CPPED1: variants seen among roughly 807,000 people sequenced by gnomAD.
The protein encoded by CPPED1 is calcineurin like phosphoesterase domain containing 1.
CPPED1 carries 28 observed loss-of-function variants against 28.0 expected under a neutral mutation model. The observed-to-expected ratio is 1.00, with a 90% CI of 0.74 to 1.37. CPPED1 has a LOEUF of 1.37. Ranked by LOEUF, CPPED1 falls within the 40% of genes most tolerant of loss-of-function variation. The pLI is 0.00. For synonymous variants in CPPED1, 198 were observed against 180.2 expected (o/e 1.10, Z -0.79); for missense variants, 504 against 416.5 (o/e 1.21, Z -1.83).
chr16:12,766,874 A>C (rs371978689), intron 2 of CPPED1, among the ~76,000 whole-genome samples: 1 of 152,206 alleles, frequency 6.6e-6, no homozygotes, highest in African/African-American at 2.4e-5. Flanking sequence ...TCAGACTGCC[A>C]TAGCCGATTT....
chr16:12,720,917 A>G (rs2080136709), intron 2 of CPPED1, among the ~76,000 whole-genome samples: 1 of 152,198 alleles, frequency 6.6e-6, no homozygotes, highest in Non-Finnish European at 1.5e-5. Context: ...GGCATGGGGG[A>G]CTAAAAGTAA....
intron 2 of CPPED1, among the ~76,000 whole-genome samples, chr16:12,739,553 T>G (rs1014115321): frequency 6.6e-6 from 1 of 151,952 alleles, no homozygotes; most frequent in Admixed American, 6.6e-5. Flanking sequence ...TGCCCTCCAG[T>G]CTGGACAACA....
rs951869512 is a variant in CPPED1, at chr16:12,663,569, G to T, written c.*1317C>A. 3 of 152,096 alleles carry T rather than the reference G, an allele frequency of 2.0e-5. No individual in the cohort carries two copies. Among genetic ancestry groups the T allele is most frequent in the Non-Finnish European group, 4.4e-5 (3 of 68,010 alleles). 9.4% of individuals were successfully genotyped at this position (152,096 alleles called of 1,614,324 possible). A position where few individuals can be genotyped will look rare whatever the true frequency, so the allele number is the denominator to read the frequency against. On this transcript the variant is annotated 3_prime_UTR_variant, in exon 4 of 4. Coordinates refer to ENST00000381774, the MANE Select transcript of CPPED1 (RefSeq NM_018340.3). ...CAGCCTATTGTATAATTAACTTCTC[G>T]TCTTTTGTTCCTTATGAATTTACAT...
chr16:12,790,654 C>CTAGA (rs2080590477), intron 1 of CPPED1, among the ~76,000 whole-genome samples: 1 of 152,104 alleles, frequency 6.6e-6, no homozygotes, highest in Admixed American at 6.6e-5. Context: ...GTCGCGGTGG[C>CTAGA]TCACGCCTGT....
chr16:12,786,725 C>T lies in CPPED1; in HGVS notation c.71-5322G>A, dbSNP rs150916152. 8.1e-3 allele frequency among the ~76,000 whole-genome samples: 1,227 copies of T among 152,210 alleles called. 19 individuals are homozygous for T. Among genetic ancestry groups the T allele is most frequent in the African/African-American group, 0.028 (1,143 of 41,520 alleles). On this transcript the variant is annotated intron_variant, in intron 1 of 3. Coordinates refer to ENST00000381774, the MANE Select transcript of CPPED1 (RefSeq NM_018340.3). ...CACGAGGTCAAAAGATCAAGACCATCCTGGCCAACATGGTGAAACCTCGTC... is the reference window on the plus strand; with the variant it reads ...CACGAGGTCAAAAGATCAAGACCATTCTGGCCAACATGGTGAAACCTCGTC...
intron 2 of CPPED1, among the ~76,000 whole-genome samples, chr16:12,754,874 T>C (rs139975133): frequency 8.0e-4 from 121 of 152,036 alleles, no homozygotes; most frequent in African/African-American, 2.8e-3. Context: ...TAGGCCGGCA[T>C]GGTGGTGTGT....
chr16:12,786,109 C>G (rs1482209981), intron 1 of CPPED1, among the ~76,000 whole-genome samples: 1 of 152,206 alleles, frequency 6.6e-6, no homozygotes, highest in African/African-American at 2.4e-5. Context: ...GGTTACCTGA[C>G]AGCAGAAAGC....
At chr16:12,690,478 C>G (rs904171074) in intron 3 of CPPED1, among the ~76,000 whole-genome samples, 1 of 150,914 alleles carries the variant, frequency 6.6e-6, no homozygotes, top group African/African-American at 2.4e-5. Context: ...CATGCCACTG[C>G]ACTCCAGCCT....
chr16:12,799,996 A>G (rs938839079), intron 1 of CPPED1, among the ~76,000 whole-genome samples: 1 of 152,160 alleles, frequency 6.6e-6, no homozygotes, highest in African/African-American at 2.4e-5. Context: ...ATTCTTATCC[A>G]GGGGAGCTGC....
In CPPED1 at chr16:12,662,589, T is replaced by A. The variant is rs957397931; in HGVS notation, c.*2297A>T. On this transcript the variant is annotated 3_prime_UTR_variant, in exon 4 of 4. Coordinates refer to ENST00000381774, the MANE Select transcript of CPPED1 (RefSeq NM_018340.3). ...TTGTTCCACACTCTATGTTCATGGG[T>A]ACACTTTATGTAGCTCCCATTTATG... 1 of 152,190 alleles carries A rather than the reference T, an allele frequency of 6.6e-6. No homozygotes were observed. The highest frequency in any genetic ancestry group is 2.4e-5 in the African/African-American group (1 of 41,438). 9.4% of individuals were successfully genotyped at this position (152,190 alleles called of 1,614,324 possible). A position where few individuals can be genotyped will look rare whatever the true frequency, so the allele number is the denominator to read the frequency against.
At chr16:12,795,370 C>T (rs997708931) in intron 1 of CPPED1, among the ~76,000 whole-genome samples, 1 of 152,118 alleles carries the variant, frequency 6.6e-6, no homozygotes, top group Admixed American at 6.5e-5. Flanking sequence ...TTCAGAGTCT[C>T]GCTCTGTGGC....
At chr16:12,725,798 C>G (rs781600232) in intron 2 of CPPED1, among the ~76,000 whole-genome samples, 38 of 152,174 alleles carry the variant, frequency 2.5e-4, no homozygotes, top group Admixed American at 3.9e-4. Context: ...GCCAGGGCAC[C>G]AAGGCCAAGT....
rs1049905345 is a variant in CPPED1 at position 12,670,358 on chromosome 16, G to A, written c.716-5243C>T. 1.4e-4 allele frequency among the ~76,000 whole-genome samples: 22 copies of A among 152,070 alleles called. No homozygotes were observed. Among genetic ancestry groups the A allele is most frequent in the African/African-American group, 5.1e-4 (21 of 41,400 alleles). ...AAACTACTGAATAAATAAATAAATG[G>A]TAGGGGGAGAAACATCTCCTACACA... is the stretch of plus-strand genomic sequence containing the variant. On this transcript the variant is annotated intron_variant, in intron 3 of 3. Coordinates refer to ENST00000381774, the MANE Select transcript of CPPED1 (RefSeq NM_018340.3). This position sits in a 1 kb window ranked among gnomAD's most constrained non-coding sequence, Gnocchi z 4.2.
intron 3 of CPPED1, among the ~76,000 whole-genome samples, chr16:12,700,204 G>T (rs2080013147): frequency 6.6e-6 from 1 of 152,214 alleles, no homozygotes; most frequent in East Asian, 1.9e-4. Context: ...GCAGGTTTAG[G>T]TGAAGACCCT....
At chr16:12,792,046 G>A (rs1001253459) in intron 1 of CPPED1, among the ~76,000 whole-genome samples, 2 of 151,946 alleles carry the variant, frequency 1.3e-5, no homozygotes, top group Non-Finnish European at 2.9e-5. Flanking sequence ...CCGTCCCCCA[G>A]GTTCAAGCAA....
intron 2 of CPPED1, among the ~76,000 whole-genome samples, chr16:12,726,623 G>GT (rs1820755564): frequency 6.6e-6 from 1 of 151,986 alleles, no homozygotes; most frequent in Non-Finnish European, 1.5e-5. Flanking sequence ...GATTACAGGC[G>GT]TAAGCCACTG....
At chr16:12,681,862 C>G (rs896587884) in intron 3 of CPPED1, among the ~76,000 whole-genome samples, 3 of 152,118 alleles carry the variant, frequency 2.0e-5, no homozygotes, top group Non-Finnish European at 4.4e-5. Flanking sequence ...TGGGGATGTG[C>G]TCTCACACTC....
chr16:12,721,715 C>G (rs1191706472), intron 2 of CPPED1, among the ~76,000 whole-genome samples: 1 of 150,848 alleles, frequency 6.6e-6, no homozygotes, highest in Non-Finnish European at 1.5e-5. Context: ...GATCACACCA[C>G]TGCACTCTAG....
intron 2 of CPPED1, among the ~76,000 whole-genome samples, chr16:12,722,484 TC>T (rs1305614735): frequency 6.6e-6 from 1 of 152,192 alleles, no homozygotes; most frequent in East Asian, 1.9e-4. Context: ...ACGCCTGTAA[TC>T]CCAGCACTTT....
Sources: allele counts gnomAD v4.1 joint callset (sites outside exome capture counted in the v4.1 genomes callset), GRCh38; gene constraint gnomAD v4.1.1; non-coding constraint Gnocchi (gnomAD v3.1); transcripts MANE v1.5; gene names NCBI Gene and HGNC (gene_info 2026-07-23, HGNC 2026-07-21).